SLC41A3: variants seen among roughly 807,000 people sequenced by gnomAD.
SLC41A3 encodes the protein SLC41A1-like 2.
Under a neutral mutation model 45.4 loss-of-function variants are expected in SLC41A3, and 44 were observed. That is an observed-to-expected ratio of 0.97 (90% CI 0.76 to 1.25). SLC41A3 has a LOEUF of 1.25. Ranked by LOEUF, SLC41A3 falls within the 50% of genes most tolerant of loss-of-function variation. The probability of loss-of-function intolerance (pLI) is 0.00; values close to 1 mark genes in which losing one functional copy is unlikely to be tolerated. For synonymous variants in SLC41A3, 256 were observed against 252.4 expected (o/e 1.01, Z -0.13); for missense variants, 550 against 600.6 (o/e 0.92, Z 0.88).
intron 1 of SLC41A3, chr3:126,095,145 TA>T: frequency 1.7e-6 from 1 of 603,714 alleles, no homozygotes; most frequent in African/African-American, 1.9e-5. Context: ...GGGAAATAGG[TA>T]AAATAATAAC....
chr3:126,012,564 T>C (rs1372624969), intron 9 of SLC41A3, 51 bp downstream of exon 9: 4 of 1,606,038 alleles, frequency 2.5e-6, no homozygotes, highest in East Asian at 2.2e-5. Context: ...CACCGATGTT[T>C]TCTTGTTTAA....
intron 2 of SLC41A3, among the ~76,000 whole-genome samples, chr3:126,061,307 C>T (rs1944054182): frequency 6.6e-6 from 1 of 152,124 alleles, no homozygotes; most frequent in Non-Finnish European, 1.5e-5. Flanking sequence ...CAGAACCCAC[C>T]CACAGGTGAA....
chr3:126,071,733 G>A (rs1350963841), intron 1 of SLC41A3, among the ~76,000 whole-genome samples: 1 of 149,844 alleles, frequency 6.7e-6, no homozygotes, highest in African/African-American at 2.4e-5. Flanking sequence ...ATAACAGAAG[G>A]ACATTTAGGA....
At chr3:126,053,128 G>A (rs908104586) in intron 2 of SLC41A3, among the ~76,000 whole-genome samples, 8 of 152,204 alleles carry the variant, frequency 5.3e-5, no homozygotes, top group Non-Finnish European at 1.0e-4. Flanking sequence ...CCCAAAACTC[G>A]TATGGTGAAG....
intron 3 of SLC41A3, among the ~76,000 whole-genome samples, chr3:126,037,556 G>A (rs34601706): frequency 6.6e-6 from 1 of 152,160 alleles, no homozygotes; most frequent in Non-Finnish European, 1.5e-5. Flanking sequence ...GTTGAACTTA[G>A]GAGTGCTGTC....
chr3:126,077,705 G>A (rs966946292), intron 1 of SLC41A3, among the ~76,000 whole-genome samples: 1 of 152,204 alleles, frequency 6.6e-6, no homozygotes, highest in African/African-American at 2.4e-5. Flanking sequence ...AGGAATTTAT[G>A]GATTCAGGAG....
At chr3:126,010,425 T>C (rs920154379) in intron 9 of SLC41A3, among the ~76,000 whole-genome samples, 5 of 152,116 alleles carry the variant, frequency 3.3e-5, no homozygotes, top group Admixed American at 1.3e-4. Context: ...TGAGCCAAGA[T>C]TGCGCCACTG....
intron 1 of SLC41A3, among the ~76,000 whole-genome samples, chr3:126,083,681 A>G (rs945158181): frequency 6.6e-6 from 1 of 151,972 alleles, no homozygotes; most frequent in African/African-American, 2.4e-5. Context: ...TGAGCAGGCC[A>G]GGAAGGAGGA....
chr3:126,016,579 G>T, intron 7 of SLC41A3, 152 bp downstream of exon 7: 1 of 1,005,768 alleles, frequency 9.9e-7, no homozygotes, highest in Non-Finnish European at 1.4e-6. Context: ...AGGAAAAAAG[G>T]TATGATTCAA....
chr3:126,079,998 G>A (rs757133998), intron 1 of SLC41A3, among the ~76,000 whole-genome samples: 14 of 152,190 alleles, frequency 9.2e-5, no homozygotes, highest in Non-Finnish European at 1.8e-4. Context: ...TAGATGGACT[G>A]GAAAAACAGG....
intron 5 of SLC41A3, chr3:126,024,338 C>T (rs1199853917): frequency 6.6e-6 from 1 of 152,178 alleles, no homozygotes; most frequent in Non-Finnish European, 1.5e-5. Context: ...GTGTTGTTTT[C>T]AGGAGACTTT....
At chr3:126,079,901 C>G (rs902268130) in intron 1 of SLC41A3, among the ~76,000 whole-genome samples, 7 of 152,022 alleles carry the variant, frequency 4.6e-5, no homozygotes, top group African/African-American at 1.7e-4. Flanking sequence ...GAAGAGAGAA[C>G]CTAGATATAA....
intron 3 of SLC41A3, among the ~76,000 whole-genome samples, chr3:126,037,666 G>A (rs1373737796): frequency 6.6e-6 from 1 of 152,122 alleles, no homozygotes; most frequent in East Asian, 1.9e-4. Flanking sequence ...GCAAATGAAT[G>A]ACTAAAAGTT....
At position 126,006,374 on chromosome 3, in the gene SLC41A3, T is replaced by C. The variant is rs1245801429; in HGVS notation, c.*642A>G. 1.9e-6 allele frequency: 3 copies of C among 1,587,642 alleles called. No individual in the cohort carries two copies. The highest frequency in any genetic ancestry group is 2.6e-6 in the Non-Finnish European group (3 of 1,162,736). On this transcript the variant is annotated 3_prime_UTR_variant, in exon 11 of 11. Transcript: ENST00000360370. The stretch of plus-strand genomic sequence containing the variant: ...ATAAAGGGTCAAGTACAATATAATC[T>C]GTTTTATTTTACACTTCTCTGATTA...
At chr3:126,071,967 A>T (rs1009460580) in intron 1 of SLC41A3, among the ~76,000 whole-genome samples, 4 of 151,864 alleles carry the variant, frequency 2.6e-5, no homozygotes, top group African/African-American at 9.7e-5. Context: ...TAGAGATGGG[A>T]TATCACTGTG....
At chr3:126,029,373 C>G (rs910094469) in intron 4 of SLC41A3, among the ~76,000 whole-genome samples, 2 of 151,734 alleles carry the variant, frequency 1.3e-5, no homozygotes, top group African/African-American at 2.4e-5. Context: ...CACTCCCTCC[C>G]CCACCACTCT....
At position 126,056,570 on chromosome 3, in the gene SLC41A3, C is replaced by T. The variant is rs765663420; in HGVS notation, c.274-5520G>A. Reference sequence around the variant, plus strand: ...ACCACCATGGCCAGGCAATGCACCACGATCCCAGGAGCACGAAGTCAGAGC... The same window carrying T: ...ACCACCATGGCCAGGCAATGCACCATGATCCCAGGAGCACGAAGTCAGAGC... On this transcript the variant is annotated intron_variant, in intron 2 of 10. Coordinates refer to ENST00000360370, the MANE Select transcript of SLC41A3 (RefSeq NM_017836.4). 37 of 1,610,036 alleles carry T rather than the reference C, an allele frequency of 2.3e-5. No homozygotes were observed. In the East Asian group the frequency reaches 2.5e-4, roughly 11 times the overall value.
At chr3:126,059,784 C>T (rs1943957827) in intron 2 of SLC41A3, among the ~76,000 whole-genome samples, 1 of 152,122 alleles carries the variant, frequency 6.6e-6, no homozygotes, top group Admixed American at 6.5e-5. Context: ...AAAGGCATCA[C>T]CTGGTTAAAG....
intron 4 of SLC41A3, 142 bp downstream of exon 4, chr3:126,033,465 A>AT: frequency 1.2e-6 from 1 of 843,108 alleles, no homozygotes; most frequent in Non-Finnish European, 1.9e-6. Flanking sequence ...GGTCTATTGG[A>AT]TGTGGGAGGG....
Sources: allele counts gnomAD v4.1 joint callset (sites outside exome capture counted in the v4.1 genomes callset), GRCh38; gene constraint gnomAD v4.1.1; transcripts MANE v1.5; gene names NCBI Gene and HGNC (gene_info 2026-07-23, HGNC 2026-07-21).